Variants in PIAS4 observed in about 807,000 individuals in gnomAD.
PIAS4 encodes E3 SUMO-protein ligase PIAS4.
Under a neutral mutation model 58.0 loss-of-function variants are expected in PIAS4, and 7 were observed. That is an observed-to-expected ratio of 0.12 (90% CI 0.07 to 0.23). The LOEUF is 0.23. PIAS4 is among the 10% of genes least tolerant of loss of function. The pLI is 1.00. For synonymous variants in PIAS4, 364 were observed against 312.4 expected (o/e 1.17, Z -1.74); for missense variants, 550 against 709.5 (o/e 0.78, Z 2.55).
chr19:4,013,237 G>A lies in PIAS4; in HGVS notation c.342G>A (p.Lys114=), dbSNP rs1298835157. Residue 114 remains lysine, a synonymous_variant, in exon 2 of 11, where the codon AAG becomes AAA. Transcript: ENST00000262971. The surrounding 1 kb of genome is among the most constrained non-coding windows in gnomAD (Gnocchi z 5.1). ...TTGACTACCCCGTGCTCTACGGAAA[G>A]TACTTAAACGGACTGGGACGGTTGC... The part of the protein sequence containing the change: ...PNIDYPVLYG[K]YLNGLGRLPA... The A allele has an allele frequency of 6.2e-7, 1 of 1,613,482 alleles. No individual in the cohort carries two copies. The highest frequency in any genetic ancestry group is 1.3e-5 in the African/African-American group (1 of 75,038).
intron 7 of PIAS4, among the ~76,000 whole-genome samples, chr19:4,029,493 C>T (rs1324785080): frequency 3.3e-5 from 5 of 151,950 alleles, no homozygotes; most frequent in African/African-American, 4.8e-5. Flanking sequence ...GGGAGGAAGA[C>T]GGGCGGCGGC....
intron 3 of PIAS4, among the ~76,000 whole-genome samples, chr19:4,026,023 G>A (rs1360086968): frequency 2.3e-5 from 3 of 133,194 alleles, no homozygotes; most frequent in African/African-American, 9.4e-5. Context: ...GCAGTGAGCC[G>A]AGATCCTGCC....
chr19:4,026,513 C>T (rs1364321413), intron 3 of PIAS4, among the ~76,000 whole-genome samples: 1 of 151,858 alleles, frequency 6.6e-6, no homozygotes, highest in Non-Finnish European at 1.5e-5. Flanking sequence ...AGTGGGTTCT[C>T]GTGGATCAGT....
intron 1 of PIAS4, among the ~76,000 whole-genome samples, chr19:4,011,580 G>T (rs989627033): frequency 5.9e-5 from 9 of 152,254 alleles, no homozygotes; most frequent in Non-Finnish European, 1.3e-4. Flanking sequence ...AGCCCCTGTG[G>T]CTGCTATCTT....
intron 7 of PIAS4, among the ~76,000 whole-genome samples, chr19:4,029,260 G>T (rs905019365): frequency 6.6e-6 from 1 of 152,180 alleles, no homozygotes; most frequent in Non-Finnish European, 1.5e-5. Context: ...AGGCCTGTGG[G>T]GTCACACCTC....
intron 1 of PIAS4, among the ~76,000 whole-genome samples, chr19:4,008,194 G>T (rs1333637530): frequency 3.9e-5 from 6 of 152,114 alleles, no homozygotes; most frequent in African/African-American, 1.4e-4. Context: ...TGGCTGGTGT[G>T]TTGGGGGGAG....
At chr19:4,030,421 C>A (rs1268116785) in intron 7 of PIAS4, among the ~76,000 whole-genome samples, 2 of 151,982 alleles carry the variant, frequency 1.3e-5, no homozygotes, top group Non-Finnish European at 2.9e-5. Flanking sequence ...AGAGCAACAC[C>A]ATCCTGGCTA....
chr19:4,016,900 T>TG (rs1275962570), intron 2 of PIAS4, among the ~76,000 whole-genome samples: 1 of 151,446 alleles, frequency 6.6e-6, no homozygotes, highest in African/African-American at 2.5e-5. Context: ...CGGGGAAGGC[T>TG]GGGGGCTACC....
rs2040322251 is a variant in PIAS4 at position 4,038,130 on chromosome 19, G to A, written c.*255G>A. The A allele has an allele frequency of 1.5e-5, 7 of 458,600 alleles. No individual in the cohort carries two copies. Among genetic ancestry groups the A allele is most frequent in the Middle Eastern group, 5.9e-4 (1 of 1,688 alleles). 28.4% of individuals were successfully genotyped at this position (458,600 alleles called of 1,614,324 possible). A position where few individuals can be genotyped will look rare whatever the true frequency, so the allele number is the denominator to read the frequency against. On this transcript the variant is annotated 3_prime_UTR_variant, in exon 11 of 11. Transcript: ENST00000262971. The surrounding 1 kb of genome is among the most constrained non-coding windows in gnomAD (Gnocchi z 4.1). ...AAGTCAAACTCTTAAAAACAAGGCC[G>A]GCCACCCACACAGCCGCCTCCCCGG...
In PIAS4 at chr19:4,036,238, A is replaced by G. The variant is rs1356633905; in HGVS notation, c.1143-1136A>G. Among the ~76,000 whole-genome samples the G allele has an allele frequency of 3.1e-3, 383 of 123,954 alleles. 23 individuals are homozygous for G. Among genetic ancestry groups the G allele is most frequent in the African/African-American group, 0.013 (367 of 27,798 alleles). 81.3% of individuals were successfully genotyped at this position (123,954 alleles called of 152,430 possible). A position where few individuals can be genotyped will look rare whatever the true frequency, so the allele number is the denominator to read the frequency against. ...CACACTGTCATACACACACACATCT[A>G]TACAGTCCACACCATCACATGCACA... On this transcript the variant is annotated intron_variant, in intron 9 of 10. Coordinates refer to ENST00000262971, the MANE Select transcript of PIAS4 (RefSeq NM_015897.4).
chr19:4,011,563 C>T (rs1400229189), intron 1 of PIAS4, among the ~76,000 whole-genome samples: 1 of 152,266 alleles, frequency 6.6e-6, no homozygotes, highest in East Asian at 1.9e-4. Flanking sequence ...GACCCAGGTC[C>T]TGCAACAGCC....
At chr19:4,024,011 C>G in intron 2 of PIAS4, 25 bp from the exon 3 acceptor site, 1 of 1,531,780 alleles carries the variant, frequency 6.5e-7, no homozygotes, top group Non-Finnish European at 9.1e-7. Context: ...ACCAGACATG[C>G]CCCTGACCCC....
At chr19:4,020,348 A>T (rs1035075790) in intron 2 of PIAS4, among the ~76,000 whole-genome samples, 1 of 152,046 alleles carries the variant, frequency 6.6e-6, no homozygotes, top group Non-Finnish European at 1.5e-5. Flanking sequence ...TCCTGGGAGC[A>T]CCTGGGAGCA....
intron 2 of PIAS4, among the ~76,000 whole-genome samples, chr19:4,016,306 C>T (rs1337530382): frequency 1.3e-5 from 2 of 152,238 alleles, no homozygotes; most frequent in Non-Finnish European, 2.9e-5. Context: ...TGGCCCGCAG[C>T]GGGCACCCCG....
At chr19:4,019,238 A>G (rs1167824274) in intron 2 of PIAS4, among the ~76,000 whole-genome samples, 1 of 152,142 alleles carries the variant, frequency 6.6e-6, no homozygotes. Context: ...CTTCCCCAGC[A>G]TAGGGGGGCC....
intron 2 of PIAS4, among the ~76,000 whole-genome samples, chr19:4,022,877 T>C (rs1374695859): frequency 1.3e-5 from 2 of 151,426 alleles, no homozygotes; most frequent in African/African-American, 2.4e-5. Flanking sequence ...GCTGTTTTTT[T>C]AAGAGATGCG....
intron 3 of PIAS4, among the ~76,000 whole-genome samples, chr19:4,024,414 G>A (rs2040142101): frequency 6.6e-6 from 1 of 152,238 alleles, no homozygotes; most frequent in Non-Finnish European, 1.5e-5. Context: ...GCATTGCAGG[G>A]AGCGGAGGAG....
At chr19:4,033,750 G>T (rs888666890) in intron 9 of PIAS4, among the ~76,000 whole-genome samples, 170 bp downstream of exon 9, 8 of 152,146 alleles carry the variant, frequency 5.3e-5, no homozygotes, top group African/African-American at 1.9e-4. Flanking sequence ...TTTCTTTCTC[G>T]CGGAACTTCT....
Position 4,023,562 on chromosome 19 carries a change from G to C in PIAS4, c.455-474G>C, listed in dbSNP as rs370465444. Among the ~76,000 whole-genome samples, 134 of 152,360 alleles carry C rather than the reference G, an allele frequency of 8.8e-4. 3 individuals are homozygous for C. In the South Asian group the frequency reaches 0.022, roughly 25 times the overall value. ...AAGTAAGAGGGTAGGGCCCAGGCTTGTGAGCACCATGGCCTTCATCCCGTC... is the reference window on the plus strand; with the variant it reads ...AAGTAAGAGGGTAGGGCCCAGGCTTCTGAGCACCATGGCCTTCATCCCGTC... On this transcript the variant is annotated intron_variant, in intron 2 of 10. Transcript: ENST00000262971.
Sources: allele counts gnomAD v4.1 joint callset (sites outside exome capture counted in the v4.1 genomes callset), GRCh38; gene constraint gnomAD v4.1.1; non-coding constraint Gnocchi (gnomAD v3.1); transcripts MANE v1.5; gene names NCBI Gene and HGNC (gene_info 2026-07-23, HGNC 2026-07-21).